The following CDH18 variants were observed in gnomAD, a reference collection of about 807,000 sequenced individuals.
The protein encoded by CDH18 is cadherin 18, also known as cadherin-18.
In CDH18, 31 loss-of-function variants were observed where a neutral mutation model predicts 67.9. The observed-to-expected ratio is 0.46, with a 90% CI of 0.34 to 0.62. CDH18 has a LOEUF of 0.62. CDH18 is among the 20% of genes least tolerant of loss of function. CDH18 has a pLI of 0.01. For missense variants in CDH18, 890 were observed against 975.5 expected (o/e 0.91, Z 1.17); for synonymous variants, 362 against 347.2 (o/e 1.04, Z -0.48).
At chr5:19,578,618 AT>A (rs1742715489) in intron 7 of CDH18, among the ~76,000 whole-genome samples, 1 of 150,888 alleles carries the variant, frequency 6.6e-6, no homozygotes, top group African/African-American at 2.4e-5. Context: ...TCCTTTTCTT[AT>A]TTTATTCTCC....
intron 2 of CDH18, among the ~76,000 whole-genome samples, chr5:20,066,458 T>C (rs1742984620): frequency 6.6e-6 from 1 of 152,078 alleles, no homozygotes; most frequent in African/African-American, 2.4e-5. Flanking sequence ...CAACTTCTTT[T>C]TTGGGAATAT....
intron 2 of CDH18, among the ~76,000 whole-genome samples, chr5:20,174,899 G>T (rs1737113043): frequency 6.6e-6 from 1 of 151,598 alleles, no homozygotes; most frequent in South Asian, 2.1e-4. Flanking sequence ...GACTTTTTTT[G>T]CAATAAGCAA....
In CDH18 at chr5:20,178,801, C is replaced by T. The variant is rs559824583; in HGVS notation, c.-518+76643G>A. On this transcript the variant is annotated intron_variant, in intron 2 of 14. Coordinates refer to the CDH18 transcript ENST00000507958. ...AGGGTGGGGATATTTTTACCCTTCA[C>T]GGATGAGACCATGGAGGCACTGCAG... Among the ~76,000 whole-genome samples the T allele has an allele frequency of 2.0e-4, 31 of 152,168 alleles. 1 individual carries two copies. The East Asian group carries it at 2.3e-3, about 11-fold the overall frequency.
chr5:20,067,790 G>T (rs898143178), intron 2 of CDH18, among the ~76,000 whole-genome samples: 6 of 152,036 alleles, frequency 3.9e-5, no homozygotes, highest in Non-Finnish European at 8.8e-5. Flanking sequence ...ATAGGTCTCT[G>T]TATATATTAG....
chr5:20,137,684 C>T (rs1270450221), intron 2 of CDH18, among the ~76,000 whole-genome samples: 2 of 152,070 alleles, frequency 1.3e-5, no homozygotes, highest in African/African-American at 4.8e-5. Context: ...TTGGAATTTT[C>T]AGCTTTTCTC....
At chr5:20,552,179 A>C (rs1757668330) in intron 1 of CDH18, among the ~76,000 whole-genome samples, 1 of 140,576 alleles carries the variant, frequency 7.1e-6, no homozygotes, top group African/African-American at 2.7e-5. Flanking sequence ...GGTTTCATTA[A>C]AAAAAAAAAG....
chr5:20,327,192 G>C (rs947824830), intron 1 of CDH18, among the ~76,000 whole-genome samples: 1 of 152,086 alleles, frequency 6.6e-6, no homozygotes, highest in African/African-American at 2.4e-5. Flanking sequence ...ATGCCAAAGG[G>C]AAAGTTCAGC....
chr5:19,550,360 C>A (rs1376066708), intron 8 of CDH18, among the ~76,000 whole-genome samples: 17 of 151,850 alleles, frequency 1.1e-4, no homozygotes, highest in Non-Finnish European at 2.9e-5. Flanking sequence ...TGTGCTGCAC[C>A]CATTAACTCG....
At chr5:19,915,375 A>G (rs1791647889) in intron 2 of CDH18, among the ~76,000 whole-genome samples, 1 of 152,062 alleles carries the variant, frequency 6.6e-6, no homozygotes. Flanking sequence ...TGAGGCGCCA[A>G]CCCCTGCACA....
chr5:19,517,078 A>G (rs1294390287), intron 10 of CDH18, among the ~76,000 whole-genome samples: 5 of 152,146 alleles, frequency 3.3e-5, no homozygotes, highest in Admixed American at 6.6e-5. Flanking sequence ...CAGTAGCAGT[A>G]CCATTTTACA....
At chr5:19,520,997 T>C (rs378153) in intron 9 of CDH18, among the ~76,000 whole-genome samples, 3,753 of 152,252 alleles carry the variant, frequency 0.025, 169 homozygotes, top group African/African-American at 0.085. Context: ...GCCAAAATGA[T>C]ATTTTGTCAT....
intron 10 of CDH18, among the ~76,000 whole-genome samples, chr5:19,517,140 G>A (rs1312087613): frequency 6.6e-6 from 1 of 152,040 alleles, no homozygotes; most frequent in African/African-American, 2.4e-5. Context: ...TTACCAAAAA[G>A]TTTAGCTCTT....
intron 2 of CDH18, among the ~76,000 whole-genome samples, chr5:19,958,440 A>G (rs1796481759): frequency 6.9e-6 from 1 of 145,596 alleles, no homozygotes. Flanking sequence ...CTTAGGACTT[A>G]TGAACTGCCA....
At chr5:20,292,067 C>T (rs1412806328) in intron 1 of CDH18, among the ~76,000 whole-genome samples, 1 of 152,152 alleles carries the variant, frequency 6.6e-6, no homozygotes, top group African/African-American at 2.4e-5. Context: ...CTGAGCACAC[C>T]TGGGTCAGTA....
intron 1 of CDH18, among the ~76,000 whole-genome samples, chr5:20,571,266 C>T (rs2434780): frequency 0.071 from 10,804 of 152,088 alleles, 682 homozygotes; most frequent in African/African-American, 0.16. Flanking sequence ...AATTTCGCAA[C>T]ATACAAAAGT....
At chr5:20,262,648 G>A (rs1351006486) in intron 1 of CDH18, among the ~76,000 whole-genome samples, 1 of 152,060 alleles carries the variant, frequency 6.6e-6, no homozygotes. Context: ...TTTTCACTGT[G>A]TTGACAGTGA....
chr5:19,888,374 G>T (rs1788448872), intron 2 of CDH18, among the ~76,000 whole-genome samples: 1 of 151,538 alleles, frequency 6.6e-6, no homozygotes, highest in Non-Finnish European at 1.5e-5. Context: ...TGTCTTCTTT[G>T]TTTTTTTCAG....
At chr5:20,150,324 T>G (rs1208612777) in intron 2 of CDH18, among the ~76,000 whole-genome samples, 5 of 152,002 alleles carry the variant, frequency 3.3e-5, no homozygotes, top group African/African-American at 7.2e-5. Context: ...CTAGAGCAAA[T>G]CTTGGTAGTA....
At chr5:19,534,671 A>C (rs1394174110) in intron 9 of CDH18, among the ~76,000 whole-genome samples, 2 of 152,144 alleles carry the variant, frequency 1.3e-5, no homozygotes, top group Non-Finnish European at 2.9e-5. Flanking sequence ...ATTCGAACAA[A>C]TTCTGGCAGC....
Sources: allele counts gnomAD v4.1 joint callset (sites outside exome capture counted in the v4.1 genomes callset), GRCh38; gene constraint gnomAD v4.1.1; transcripts MANE v1.5; gene names NCBI Gene and HGNC (gene_info 2026-07-23, HGNC 2026-07-21).